The following ZNF514 variants were observed in gnomAD, a reference collection of about 807,000 sequenced individuals.
The protein encoded by ZNF514 is zinc finger protein 514.
In ZNF514, 12 loss-of-function variants were observed where a neutral mutation model predicts 9.7. That is an observed-to-expected ratio of 1.24 (90% confidence interval 0.79 to 2.01). The LOEUF is 2.01. Among genes scored for constraint, ZNF514 ranks in the 30% most tolerant of loss-of-function variants. ZNF514 has a pLI of 0.00. For missense variants in ZNF514, 467 were observed against 465.5 expected (o/e 1.00, Z -0.03); for synonymous variants, 158 against 163.7 (o/e 0.97, Z 0.27).
the ZNF514 span, among the ~76,000 whole-genome samples, chr2:95,127,989 G>A: frequency 2.0e-5 from 3 of 152,196 alleles, no homozygotes; most frequent in East Asian, 1.9e-4. Flanking sequence ...GCTCACACCT[G>A]TAATCCCAAC....
chr2:95,156,670 T>C (rs1673694684), intron 2 of ZNF514, among the ~76,000 whole-genome samples: 1 of 152,206 alleles, frequency 6.6e-6, no homozygotes, highest in African/African-American at 2.4e-5. Context: ...ATAATAACTA[T>C]TTTCATCATC....
the ZNF514 span, among the ~76,000 whole-genome samples, chr2:95,125,882 TCAC>T: frequency 2.0e-5 from 3 of 152,258 alleles, no homozygotes; most frequent in African/African-American, 7.2e-5. Context: ...TGGGTTGCTT[TCAC>T]CTTTTGGCTA....
rs1271577667 is a variant in ZNF514 at position 95,148,012 on chromosome 2, G to A, written c.*1270C>T. On this transcript the variant is annotated 3_prime_UTR_variant, in exon 5 of 5. Coordinates refer to ENST00000295208, the MANE Select transcript of ZNF514 (RefSeq NM_032788.3). ...ATTCCAAATCTATTAGCATAAAGATGTAACAAAAATTGCTTTTTGCTCAAT... is the reference window on the plus strand; with the variant it reads ...ATTCCAAATCTATTAGCATAAAGATATAACAAAAATTGCTTTTTGCTCAAT... The A allele has an allele frequency of 1.3e-5, 2 of 152,154 alleles. No individual in the cohort carries two copies. Among genetic ancestry groups the A allele is most frequent in the East Asian group, 1.9e-4 (1 of 5,188 alleles). The allele number at this position is 152,154 out of a possible 1,614,324, so 9.4% of individuals were successfully genotyped here. A position where few individuals can be genotyped will look rare whatever the true frequency, so the allele number is the denominator to read the frequency against.
Position 95,149,870 on chromosome 2 carries a change from T to A in ZNF514, c.615A>T (p.Lys205Asn), listed in dbSNP as rs1673483714. Residue 205 changes from lysine (K) to asparagine (N), a missense_variant, in exon 5 of 5, where the codon AAA becomes AAT. Physicochemically the swap from Lys to Asn is moderately conservative, Grantham distance 94. Coordinates refer to ENST00000295208, the MANE Select transcript of ZNF514 (RefSeq NM_032788.3). ...GAAAGGACTTCCCACACTCATTACATTTACAAGATTTCTTTTCTGGGTGGG... is the reference window on the plus strand; with the variant it reads ...GAAAGGACTTCCCACACTCATTACAATTACAAGATTTCTTTTCTGGGTGGG... ...QRTHPEKKSC[K>N]CNECGKSFHF... 1.2e-6 allele frequency: 2 copies of A among 1,613,774 alleles called. No individual in the cohort carries two copies. The highest frequency in any genetic ancestry group is 4.5e-5 in the East Asian group (2 of 44,892).
the ZNF514 span, among the ~76,000 whole-genome samples, chr2:95,138,842 G>C: frequency 6.6e-6 from 1 of 152,204 alleles, no homozygotes; most frequent in African/African-American, 2.4e-5. Context: ...AGCCTCTAAG[G>C]CATTTCAGAG....
downstream of ZNF514, among the ~76,000 whole-genome samples, chr2:95,140,792 T>C (rs983694797): frequency 6.6e-6 from 1 of 151,654 alleles, no homozygotes; most frequent in African/African-American, 2.4e-5. Context: ...CTGGCCAACA[T>C]AGTGAAACCC....
At chr2:95,137,328 C>A in the ZNF514 span, among the ~76,000 whole-genome samples, 11 of 152,212 alleles carry the variant, frequency 7.2e-5, no homozygotes, top group African/African-American at 2.4e-4. Context: ...AATCTTCACT[C>A]AAATAATCCC....
At chr2:95,126,698 T>C in the ZNF514 span, among the ~76,000 whole-genome samples, 83 of 152,334 alleles carry the variant, frequency 5.4e-4, no homozygotes, top group African/African-American at 1.9e-3. Context: ...TCTAGTTGGA[T>C]TGTTTGGTTT....
At chr2:95,128,390 C>CA in the ZNF514 span, among the ~76,000 whole-genome samples, 5,331 of 81,092 alleles carry the variant, frequency 0.066, 152 homozygotes, top group Admixed American at 0.1. Flanking sequence ...GGCTTCGTCT[C>CA]AAAAAAAAAA....
intron 4 of ZNF514, among the ~76,000 whole-genome samples, chr2:95,151,371 C>T (rs1673540174): frequency 6.6e-6 from 1 of 152,178 alleles, no homozygotes; most frequent in South Asian, 2.1e-4. Context: ...TGGGAACACC[C>T]ATCTGTTTAT....
intron 4 of ZNF514, among the ~76,000 whole-genome samples, chr2:95,150,730 T>C (rs2104467356): frequency 6.6e-6 from 1 of 152,348 alleles, no homozygotes; most frequent in Middle Eastern, 3.4e-3. Flanking sequence ...AACCCTTCAC[T>C]TTCTTCTTTT....
chr2:95,147,269 G>A lies in ZNF514; in HGVS notation c.*2013C>T, dbSNP rs904523340. 2.6e-5 allele frequency: 4 copies of A among 152,198 alleles called. No individual in the cohort carries two copies. The highest frequency in any genetic ancestry group is 9.7e-5 in the African/African-American group (4 of 41,442). The allele number at this position is 152,198 out of a possible 1,614,324, so 9.4% of individuals were successfully genotyped here. A position where few individuals can be genotyped will look rare whatever the true frequency, so the allele number is the denominator to read the frequency against. ...AAGTGATACCAAAAATGCATAGATG[G>A]CTTGAAGTAACAAACAAAACAGGAA... On this transcript the variant is annotated 3_prime_UTR_variant, in exon 5 of 5. Coordinates refer to ENST00000295208, the MANE Select transcript of ZNF514 (RefSeq NM_032788.3).
rs1326538083 is a variant in ZNF514, at chr2:95,157,396, T to A, written c.-52A>T. On this transcript the variant is annotated 5_prime_UTR_variant, in exon 2 of 5. Coordinates refer to ENST00000295208, the MANE Select transcript of ZNF514 (RefSeq NM_032788.3). ...ATGAATTGGTTGTTCCCTCTTCTCC[T>A]GGGAATCTCTCTGGAGGAAGAGCAG... is the stretch of plus-strand genomic sequence containing the variant. 7.0e-6 allele frequency: 9 copies of A among 1,289,554 alleles called. No homozygotes were observed. The highest frequency in any genetic ancestry group is 9.1e-6 in the Non-Finnish European group (9 of 988,792). 79.9% of individuals were successfully genotyped at this position (1,289,554 alleles called of 1,614,324 possible).
At chr2:95,133,280 G>C in the ZNF514 span, among the ~76,000 whole-genome samples, 2 of 152,162 alleles carry the variant, frequency 1.3e-5, no homozygotes, top group African/African-American at 2.4e-5. Context: ...GCTGCAGTGA[G>C]CTGCGACAAC....
At chr2:95,143,608 G>T (rs1485957354), downstream of ZNF514, among the ~76,000 whole-genome samples, 1 of 152,172 alleles carries the variant, frequency 6.6e-6, no homozygotes, top group Non-Finnish European at 1.5e-5. Flanking sequence ...AACAAGAGTT[G>T]AAACTCTGTC....
At chr2:95,141,215 A>G (rs1457508188), downstream of ZNF514, among the ~76,000 whole-genome samples, 2 of 152,204 alleles carry the variant, frequency 1.3e-5, no homozygotes, top group African/African-American at 2.4e-5. Context: ...TTACAAGAAC[A>G]GGCTAATACA....
chr2:95,123,804 G>T, the ZNF514 span, among the ~76,000 whole-genome samples: 1 of 152,292 alleles, frequency 6.6e-6, no homozygotes, highest in East Asian at 1.9e-4. Context: ...TAAGTTGCTG[G>T]TCAATGGTCA....
chr2:95,150,303 AG>A, intron 4 of ZNF514, 36 bp from the exon 5 acceptor site: 1 of 1,508,806 alleles, frequency 6.6e-7, no homozygotes, highest in Non-Finnish European at 8.8e-7. Flanking sequence ...AAGACATTCT[AG>A]TATGTAGAAT....
chr2:95,150,700 C>T (rs1324892541), intron 4 of ZNF514, among the ~76,000 whole-genome samples: 1 of 152,232 alleles, frequency 6.6e-6, no homozygotes, highest in African/African-American at 2.4e-5. Context: ...ACCCAGTCTT[C>T]CTACCTCCAG....
Sources: allele counts gnomAD v4.1 joint callset (sites outside exome capture counted in the v4.1 genomes callset), GRCh38; gene constraint gnomAD v4.1.1; transcripts MANE v1.5; gene names NCBI Gene and HGNC (gene_info 2026-07-23, HGNC 2026-07-21).